Variants in NR6A1 observed in about 807,000 individuals in gnomAD.
The protein encoded by NR6A1 is nuclear receptor subfamily 6 group A member 1.
NR6A1 carries 7 observed loss-of-function variants against 59.1 expected under a neutral mutation model. The observed-to-expected ratio is 0.12, with a 90% CI of 0.07 to 0.22. The LOEUF (loss-of-function observed/expected upper bound fraction) is 0.22, where lower values mean the gene tolerates loss of function less well. NR6A1 is among the 10% of genes least tolerant of loss of function. The pLI, the probability that NR6A1 is intolerant of heterozygous loss-of-function variation, is 1.00. For missense variants in NR6A1, 468 were observed against 611.6 expected, an observed-to-expected ratio of 0.77 and a Z score of 2.48; for synonymous variants, 243 against 236.1, an observed-to-expected ratio of 1.03 and a Z score of -0.27.
chr9:124,640,203 A>G (rs1397033816), intron 2 of NR6A1, among the ~76,000 whole-genome samples: 2 of 152,192 alleles, frequency 1.3e-5, no homozygotes, highest in Non-Finnish European at 2.9e-5. Flanking sequence ...TAGGTTTAAG[A>G]AAGATATTTT....
In NR6A1 at chr9:124,616,123, C is replaced by T. The variant is rs118189497; in HGVS notation, c.143-61553G>A. 4.2e-3 allele frequency among the ~76,000 whole-genome samples: 636 copies of T among 152,062 alleles called. 4 individuals carry two copies. Among genetic ancestry groups the T allele is most frequent in the Non-Finnish European group, 7.4e-3 (505 of 67,968 alleles). ...GATAGAAAAGAACTAATTGGACAGG[C>T]GCAGTGGCTCACATCTGTAATCCCA... On this transcript the variant is annotated intron_variant, in intron 2 of 9. Transcript: ENST00000487099.
chr9:124,530,365 A>G (rs992598902), intron 7 of NR6A1, among the ~76,000 whole-genome samples: 1 of 152,176 alleles, frequency 6.6e-6, no homozygotes, highest in African/African-American at 2.4e-5. Flanking sequence ...ACCCCTTGAT[A>G]AACAAAGTTG....
chr9:124,767,598 C>G (rs1236385135), intron 1 of NR6A1, among the ~76,000 whole-genome samples: 1 of 149,172 alleles, frequency 6.7e-6, no homozygotes, highest in Non-Finnish European at 1.5e-5. Flanking sequence ...TTGTTTTTTT[C>G]TAATGGGAGT....
intron 2 of NR6A1, among the ~76,000 whole-genome samples, chr9:124,704,740 T>C (rs989681300): frequency 6.6e-6 from 1 of 151,724 alleles, no homozygotes; most frequent in Non-Finnish European, 1.5e-5. Context: ...TTAAAAAAAA[T>C]TTTTGTGTGT....
intron 1 of NR6A1, among the ~76,000 whole-genome samples, chr9:124,754,972 A>T (rs1259980114): frequency 6.6e-6 from 1 of 152,128 alleles, no homozygotes; most frequent in East Asian, 1.9e-4. Context: ...AAAATACATT[A>T]AAAAATCACA....
intron 3 of NR6A1, among the ~76,000 whole-genome samples, chr9:124,549,368 G>A (rs1031974036): frequency 6.6e-6 from 1 of 152,218 alleles, no homozygotes; most frequent in Non-Finnish European, 1.5e-5. Flanking sequence ...AAGGGATCAG[G>A]TGGCTGATGC....
chr9:124,678,060 AG>A (rs767307250), intron 2 of NR6A1, among the ~76,000 whole-genome samples: 17 of 152,268 alleles, frequency 1.1e-4, no homozygotes, highest in Admixed American at 1.1e-3. Context: ...TAATGAGTAT[AG>A]ATTTCTAAAT....
intron 1 of NR6A1, among the ~76,000 whole-genome samples, 176 bp downstream of exon 1, chr9:124,770,844 C>G (rs957869747): frequency 1.3e-5 from 2 of 150,428 alleles, no homozygotes; most frequent in Non-Finnish European, 3.0e-5. Context: ...TGAGCGAGAC[C>G]GGGGAGGAGA....
chr9:124,687,179 C>A (rs558894590), intron 2 of NR6A1, among the ~76,000 whole-genome samples: 2 of 151,404 alleles, frequency 1.3e-5, no homozygotes. Context: ...AGTGAAGTGG[C>A]GGCACAATTA....
chr9:124,551,671 C>T (rs1833781311), intron 3 of NR6A1, among the ~76,000 whole-genome samples: 1 of 152,162 alleles, frequency 6.6e-6, no homozygotes, highest in Non-Finnish European at 1.5e-5. Flanking sequence ...TTTGTAACAC[C>T]AGCTAGATTC....
At chr9:124,691,058 TA>T (rs1369781413) in intron 2 of NR6A1, among the ~76,000 whole-genome samples, 1 of 152,200 alleles carries the variant, frequency 6.6e-6, no homozygotes, top group Non-Finnish European at 1.5e-5. Context: ...TCTAAATATT[TA>T]TCCAAATAGT....
chr9:124,706,037 A>G (rs1243103100), intron 2 of NR6A1, among the ~76,000 whole-genome samples: 2 of 152,140 alleles, frequency 1.3e-5, no homozygotes, highest in African/African-American at 4.8e-5. Context: ...CGGCCTCCCA[A>G]AGTGCCGGGA....
intron 2 of NR6A1, among the ~76,000 whole-genome samples, chr9:124,696,374 T>C (rs888244304): frequency 1.2e-4 from 18 of 152,138 alleles, no homozygotes; most frequent in African/African-American, 4.3e-4. Flanking sequence ...ACTTTGGCTT[T>C]TGTTTTTCAA....
intron 7 of NR6A1, among the ~76,000 whole-genome samples, chr9:124,531,618 C>T (rs570127021): frequency 1.3e-5 from 2 of 152,278 alleles, no homozygotes; most frequent in East Asian, 3.9e-4. Context: ...GAGGTTCTTC[C>T]ACTTCCTATG....
chr9:124,726,090 C>T (rs1294548353), intron 2 of NR6A1, among the ~76,000 whole-genome samples: 1 of 152,164 alleles, frequency 6.6e-6, no homozygotes, highest in Non-Finnish European at 1.5e-5. Flanking sequence ...ATGTCAAAGG[C>T]ATATCATACT....
intron 1 of NR6A1, among the ~76,000 whole-genome samples, chr9:124,764,094 G>C (rs548435843): frequency 6.6e-6 from 1 of 151,584 alleles, no homozygotes; most frequent in South Asian, 2.1e-4. Context: ...TGAGGCAGGA[G>C]AATCGCTTGA....
intron 9 of NR6A1, among the ~76,000 whole-genome samples, chr9:124,523,798 T>C (rs1026581852): frequency 2.6e-5 from 4 of 152,224 alleles, no homozygotes; most frequent in African/African-American, 7.2e-5. Flanking sequence ...GAAATAATTT[T>C]CCTTTAAAAT....
chr9:124,534,810 T>C (rs929033699), intron 7 of NR6A1, among the ~76,000 whole-genome samples: 1 of 152,192 alleles, frequency 6.6e-6, no homozygotes, highest in Non-Finnish European at 1.5e-5. Flanking sequence ...GGCTGGAGGC[T>C]GCGAGAAAGA....
intron 2 of NR6A1, among the ~76,000 whole-genome samples, chr9:124,704,374 TTTA>T (rs1416198530): frequency 3.3e-5 from 5 of 152,192 alleles, no homozygotes; most frequent in African/African-American, 1.2e-4. Flanking sequence ...CATTCTAATC[TTTA>T]TTGTTTTCTT....
Sources: gnomAD v4.1 joint callset for allele counts (sites outside exome capture counted in the v4.1 genomes callset) on GRCh38, gnomAD v4.1.1 for gene constraint, MANE v1.5 for transcripts, NCBI Gene and HGNC (gene_info 2026-07-23, HGNC 2026-07-21) for gene names.